Variants in MAST4 observed in about 807,000 individuals in gnomAD.
MAST4 encodes microtubule associated serine/threonine kinase family member 4, also known as microtubule-associated serine/threonine-protein kinase 4.
In MAST4, 89 loss-of-function variants were observed where a neutral mutation model predicts 162.7. The observed-to-expected ratio is 0.55, with a 90% confidence interval of 0.46 to 0.65. The LOEUF (loss-of-function observed/expected upper bound fraction) is 0.65. Among genes scored for constraint, MAST4 ranks in the 30% least tolerant of loss-of-function variants. MAST4 has a pLI of 0.00. For missense variants in MAST4, 3,153 were observed against 3,374.0 expected, an observed-to-expected ratio of 0.93 and a Z score of 1.62; for synonymous variants, 1,479 against 1,361.1, an observed-to-expected ratio of 1.09 and a Z score of -1.91.
rs149525239 is a variant in MAST4, at chr5:66,609,617, G to T, written c.363+12599G>T. On this transcript the variant is annotated intron_variant, in intron 1 of 28. Transcript: ENST00000403625. ...GCCCAGGCTGGTCTTGAAGTCCTGG[G>T]CTCAAGTGATCCACCCACCCTAGCC... Among the ~76,000 whole-genome samples, 799 of 150,694 alleles carry T rather than the reference G, an allele frequency of 5.3e-3. 7 individuals carry two copies. The highest frequency in any genetic ancestry group is 0.018 in the African/African-American group (724 of 41,014).
rs555752884 is a variant in MAST4, at chr5:66,900,085, A to G, written c.674+103A>G. The G allele has an allele frequency of 8.6e-4, 683 of 794,400 alleles. 15 individuals are homozygous for G. In the South Asian group the frequency reaches 0.017, roughly 20 times the overall value. 49.2% of individuals were successfully genotyped at this position (794,400 alleles called of 1,614,324 possible). ...AGTGGCAATTATAAAATGAATGATA[A>G]TCAACTGAAGAAAACAAAAAACTGA... is the stretch of plus-strand genomic sequence containing the variant. On this transcript the variant is annotated intron_variant, in intron 4 of 28. Coordinates refer to ENST00000403625, the MANE Select transcript of MAST4 (RefSeq NM_001164664.2).
At chr5:66,879,710 G>A (rs779945039) in intron 3 of MAST4, among the ~76,000 whole-genome samples, 22 of 152,236 alleles carry the variant, frequency 1.4e-4, no homozygotes, top group South Asian at 8.3e-4. Context: ...ATGGGATTTC[G>A]CGATGACGCC....
chr5:66,637,809 T>A (rs955945285), intron 1 of MAST4, among the ~76,000 whole-genome samples: 8 of 151,978 alleles, frequency 5.3e-5, no homozygotes, highest in Admixed American at 1.3e-4. Context: ...AGGTTCAAAT[T>A]ATCTGAACCT....
chr5:66,814,602 C>T (rs1052225185), intron 3 of MAST4, among the ~76,000 whole-genome samples: 2 of 152,118 alleles, frequency 1.3e-5, no homozygotes, highest in African/African-American at 4.8e-5. Context: ...GTAGTTTGTC[C>T]ACTAGGTGGC....
intron 4 of MAST4, among the ~76,000 whole-genome samples, chr5:67,033,655 G>A (rs993974150): frequency 6.6e-5 from 10 of 152,058 alleles, no homozygotes; most frequent in South Asian, 2.1e-4. Flanking sequence ...TCTAGATTTC[G>A]TTATATGATA....
chr5:67,134,599 C>G lies in MAST4; in HGVS notation c.2303C>G (p.Ala768Gly). 1.2e-6 allele frequency: 2 copies of G among 1,613,578 alleles called. No individual in the cohort carries two copies. The highest frequency in any genetic ancestry group is 1.7e-6 in the Non-Finnish European group (2 of 1,179,632). Reference sequence around the variant, plus strand: ...TATGGAAAGCCGGTGGACTGGTGGGCCATGGGGATTATCCTCTATGAATTT... The same window carrying G: ...TATGGAAAGCCGGTGGACTGGTGGGGCATGGGGATTATCCTCTATGAATTT... ...QGYGKPVDWW[A>G]MGIILYEFLV... The change falls in exon 18 of 29, where the codon GCC becomes GGC. Residue 768 changes from alanine to glycine, a missense_variant. By Grantham distance (60) the Ala-to-Gly change is moderately conservative. Transcript: ENST00000403625.
chr5:66,738,484 T>C (rs950612097), intron 1 of MAST4, among the ~76,000 whole-genome samples: 3 of 152,220 alleles, frequency 2.0e-5, no homozygotes, highest in African/African-American at 7.2e-5. Context: ...GCCCCTCTTC[T>C]AGCCTCTGGG....
At chr5:66,799,919 CATT>C (rs1755833687) in intron 3 of MAST4, among the ~76,000 whole-genome samples, 1 of 152,142 alleles carries the variant, frequency 6.6e-6, no homozygotes, top group African/African-American at 2.4e-5. Flanking sequence ...TATCTCATGT[CATT>C]GTTGCTGGAG....
chr5:67,008,397 G>T (rs34699), intron 4 of MAST4, among the ~76,000 whole-genome samples: 80,092 of 152,018 alleles, frequency 0.53, 21,659 homozygotes, highest in East Asian at 0.69. Context: ...CCCATTGGAT[G>T]AAAAACTTTT....
At chr5:67,081,278 A>C (rs1259452178) in intron 5 of MAST4, among the ~76,000 whole-genome samples, 2 of 151,214 alleles carry the variant, frequency 1.3e-5, no homozygotes, top group African/African-American at 2.4e-5. Flanking sequence ...GTACGTGCTT[A>C]ACCCAGGAGG....
intron 1 of MAST4, among the ~76,000 whole-genome samples, chr5:66,688,612 C>A (rs1189057312): frequency 1.3e-5 from 2 of 152,164 alleles, no homozygotes; most frequent in Non-Finnish European, 2.9e-5. Context: ...TCCAGAGACT[C>A]TCTTAGATCA....
intron 4 of MAST4, among the ~76,000 whole-genome samples, chr5:67,030,585 A>G (rs1755189756): frequency 6.6e-6 from 1 of 152,196 alleles, no homozygotes; most frequent in East Asian, 1.9e-4. Context: ...AAGGGGTGAT[A>G]TTTAAAATAA....
chr5:67,071,413 A>G (rs1366558343), intron 5 of MAST4, among the ~76,000 whole-genome samples: 3 of 152,144 alleles, frequency 2.0e-5, no homozygotes, highest in Non-Finnish European at 1.5e-5. Context: ...TCAAGAACAC[A>G]CAAAATAACA....
intron 4 of MAST4, among the ~76,000 whole-genome samples, chr5:66,940,911 G>A (rs543646679): frequency 4.6e-5 from 7 of 152,300 alleles, no homozygotes; most frequent in Non-Finnish European, 8.8e-5. Flanking sequence ...CAGAGTGGAT[G>A]TTTTGTTAGC....
chr5:67,078,772 A>ATT (rs1762040584), intron 5 of MAST4, among the ~76,000 whole-genome samples: 2 of 128,198 alleles, frequency 1.6e-5, no homozygotes, highest in African/African-American at 6.1e-5. Flanking sequence ...CTAAATATAT[A>ATT]TATTTATTTA....
chr5:66,710,488 A>G (rs773792376), intron 1 of MAST4, among the ~76,000 whole-genome samples: 5 of 152,176 alleles, frequency 3.3e-5, no homozygotes, highest in Non-Finnish European at 7.3e-5. Context: ...ATGTGGGTCT[A>G]TAGACGCACG....
intron 4 of MAST4, among the ~76,000 whole-genome samples, chr5:67,028,406 C>T (rs2150418851): frequency 6.6e-6 from 1 of 152,206 alleles, no homozygotes; most frequent in African/African-American, 2.4e-5. Context: ...AATAAGATCA[C>T]ATTTGCCTGT....
chr5:66,651,536 T>C (rs1746220671), intron 1 of MAST4, among the ~76,000 whole-genome samples: 1 of 152,134 alleles, frequency 6.6e-6, no homozygotes, highest in South Asian at 2.1e-4. Context: ...TTGTTACCAT[T>C]GGCAACTTAA....
chr5:66,987,554 G>A (rs538827294), intron 4 of MAST4, among the ~76,000 whole-genome samples: 1 of 151,838 alleles, frequency 6.6e-6, no homozygotes, highest in East Asian at 1.9e-4. Flanking sequence ...TACTCCTAAA[G>A]AAAATCCAGT....
Sources: allele counts gnomAD v4.1 joint callset (sites outside exome capture counted in the v4.1 genomes callset), GRCh38; gene constraint gnomAD v4.1.1; transcripts MANE v1.5; gene names NCBI Gene and HGNC (gene_info 2026-07-23, HGNC 2026-07-21).